The following CACNB4 variants were observed in gnomAD, a reference collection of about 807,000 sequenced individuals.
CACNB4 encodes calcium voltage-gated channel auxiliary subunit beta 4.
Under a neutral mutation model 71.2 loss-of-function variants are expected in CACNB4, and 32 were observed. The ratio of observed to expected loss-of-function variants is 0.45; its 90% CI spans 0.34 to 0.60. CACNB4 has a LOEUF of 0.60. Ranked by LOEUF, CACNB4 falls within the 20% of genes least tolerant of loss-of-function variation. The pLI, the probability that CACNB4 is intolerant of heterozygous loss-of-function variation, is 0.01. For missense variants in CACNB4, 464 were observed against 647.9 expected, an observed-to-expected ratio of 0.72 and a Z score of 3.08; for synonymous variants, 231 against 236.9, an observed-to-expected ratio of 0.97 and a Z score of 0.23.
intron 2 of CACNB4, among the ~76,000 whole-genome samples, chr2:152,071,517 C>T (rs905342213): frequency 2.0e-5 from 3 of 152,158 alleles, no homozygotes; most frequent in South Asian, 2.1e-4. Context: ...TGAAACCTCT[C>T]GGCATGTTCT....
chr2:151,835,820 G>T lies in CACNB4; in HGVS notation c.*3299C>A, dbSNP rs1005146241. The stretch of plus-strand genomic sequence containing the variant: ...TCCAAAAATACATTTTGCAAACAAC[G>T]ACAATAATAATTAAATAGCAGATTA... On this transcript the variant is annotated 3_prime_UTR_variant, in exon 14 of 14. Coordinates refer to ENST00000539935, the MANE Select transcript of CACNB4 (RefSeq NM_000726.5). 1 of 151,620 alleles carries T rather than the reference G, an allele frequency of 6.6e-6. No individual in the cohort carries two copies. The highest frequency in any genetic ancestry group is 2.4e-5 in the African/African-American group (1 of 41,352). 9.4% of individuals were successfully genotyped at this position (151,620 alleles called of 1,614,324 possible).
At position 152,079,772 on chromosome 2, in the gene CACNB4, C is replaced by G. The variant is rs377040603; in HGVS notation, c.147+18558G>C. On this transcript the variant is annotated intron_variant, in intron 2 of 13. Coordinates refer to ENST00000539935, the MANE Select transcript of CACNB4 (RefSeq NM_000726.5). ...CTGTGCTCCAGCCTGGGTAACAGAG[C>G]GATATCCTGTCTCAAAAAAATAAAA... Among the ~76,000 whole-genome samples, 7 of 152,006 alleles carry G rather than the reference C, an allele frequency of 4.6e-5. No homozygotes were observed. In the East Asian group the frequency reaches 1.4e-3, roughly 29 times the overall value.
chr2:151,873,353 T>C (rs1411434476), intron 5 of CACNB4: 1 of 152,222 alleles, frequency 6.6e-6, no homozygotes, highest in Non-Finnish European at 1.5e-5. Context: ...TAGTTGAACA[T>C]CCCTAATCCA....
In CACNB4 at chr2:151,838,928, G is replaced by A. The variant is rs778241995; in HGVS notation, c.*191C>T. ...TGCACTTAAAAATATCTATATGATC[G>A]GGCATCTAATATCCATCTAGACTCA... is the stretch of plus-strand genomic sequence containing the variant. On this transcript the variant is annotated 3_prime_UTR_variant, in exon 14 of 14. Coordinates refer to ENST00000539935, the MANE Select transcript of CACNB4 (RefSeq NM_000726.5). 6.3e-6 allele frequency: 3 copies of A among 474,046 alleles called. No individual in the cohort carries two copies. The highest frequency in any genetic ancestry group is 4.8e-5 in the South Asian group (1 of 21,022). 29.4% of individuals were successfully genotyped at this position (474,046 alleles called of 1,614,324 possible).
intron 2 of CACNB4, among the ~76,000 whole-genome samples, chr2:151,916,718 G>T (rs1008746416): frequency 1.3e-5 from 2 of 152,220 alleles, no homozygotes; most frequent in Non-Finnish European, 2.9e-5. Context: ...CTACTATTCT[G>T]GTGCAAAGCA....
chr2:151,971,923 C>T (rs780424351), intron 2 of CACNB4: 2 of 354,710 alleles, frequency 5.6e-6, no homozygotes, highest in Non-Finnish European at 1.1e-5. Flanking sequence ...TCTCAGCCTG[C>T]TGGCCACCAC....
intron 2 of CACNB4, among the ~76,000 whole-genome samples, chr2:152,004,321 G>GA (rs1298874421): frequency 1.3e-5 from 2 of 151,990 alleles, no homozygotes; most frequent in African/African-American, 4.8e-5. Context: ...TCCCTTCCAA[G>GA]ATCCTCCTCT....
At chr2:152,056,320 C>T (rs1427568608) in intron 2 of CACNB4, among the ~76,000 whole-genome samples, 1 of 150,216 alleles carries the variant, frequency 6.7e-6, no homozygotes, top group Admixed American at 6.6e-5. Context: ...AAGATCACGC[C>T]ACTGCACTCC....
intron 2 of CACNB4, among the ~76,000 whole-genome samples, chr2:152,017,947 C>T (rs1433858959): frequency 6.6e-6 from 1 of 151,812 alleles, no homozygotes; most frequent in African/African-American, 2.4e-5. Flanking sequence ...ATTCTCCTGC[C>T]TCAGCCTCCA....
rs750224298 is a variant in CACNB4 at position 151,908,981 on chromosome 2, G to A, written c.148-25611C>T. 1.4e-4 allele frequency among the ~76,000 whole-genome samples: 21 copies of A among 151,140 alleles called. 1 individual carries two copies. The highest frequency in any genetic ancestry group is 1.6e-4 in the Non-Finnish European group (11 of 67,884). On this transcript the variant is annotated intron_variant, in intron 2 of 13. Transcript: ENST00000539935. Reference sequence around the variant, plus strand: ...GATTTAATTTTTTTTTAAAGAAAGGGAACAGGTGTTATGCTTGAAAAATAT... The same window carrying A: ...GATTTAATTTTTTTTTAAAGAAAGGAAACAGGTGTTATGCTTGAAAAATAT...
At chr2:152,073,590 G>C (rs1686821232) in intron 2 of CACNB4, among the ~76,000 whole-genome samples, 1 of 152,270 alleles carries the variant, frequency 6.6e-6, no homozygotes, top group Admixed American at 6.5e-5. Flanking sequence ...TAAATAAACA[G>C]GTTAAGTAAT....
chr2:151,911,983 G>T (rs561448284), intron 2 of CACNB4, among the ~76,000 whole-genome samples: 1 of 152,114 alleles, frequency 6.6e-6, no homozygotes, highest in South Asian at 2.1e-4. Flanking sequence ...ATTCTCTGAT[G>T]GTAATTTGTA....
chr2:152,050,187 A>G (rs987394860), intron 2 of CACNB4, among the ~76,000 whole-genome samples: 1 of 152,218 alleles, frequency 6.6e-6, no homozygotes, highest in African/African-American at 2.4e-5. Flanking sequence ...CCTGTCACGT[A>G]AAGACGAGGA....
rs1213218906 is a variant in CACNB4, at chr2:151,938,777, G to A, written c.148-55407C>T. Among the ~76,000 whole-genome samples the A allele has an allele frequency of 3.9e-5, 6 of 152,144 alleles. No homozygotes were observed. In the East Asian group the frequency reaches 1.2e-3, roughly 29 times the overall value. On this transcript the variant is annotated intron_variant, in intron 2 of 13. Coordinates refer to ENST00000539935, the MANE Select transcript of CACNB4 (RefSeq NM_000726.5). ...ATAATCAGCAATTCTCTTGTTTTTGGAGCATGGGGGGAAGGGATGGTAACA... is the reference window on the plus strand; with the variant it reads ...ATAATCAGCAATTCTCTTGTTTTTGAAGCATGGGGGGAAGGGATGGTAACA...
At chr2:152,078,313 C>G (rs1405776671) in intron 2 of CACNB4, among the ~76,000 whole-genome samples, 1 of 152,192 alleles carries the variant, frequency 6.6e-6, no homozygotes, top group Non-Finnish European at 1.5e-5. Flanking sequence ...GCGGTCCACA[C>G]AGATCCCCTC....
At chr2:151,961,543 C>A (rs6433727) in intron 2 of CACNB4, among the ~76,000 whole-genome samples, 1 of 151,950 alleles carries the variant, frequency 6.6e-6, no homozygotes, top group Non-Finnish European at 1.5e-5. Flanking sequence ...CAAAGGAAGA[C>A]GACCAACAAC....
At chr2:151,857,301 T>C (rs533458231) in intron 10 of CACNB4, 6 of 152,224 alleles carry the variant, frequency 3.9e-5, no homozygotes, top group Non-Finnish European at 8.8e-5. Context: ...AAAGGATTAA[T>C]TTGAAGAGTC....
intron 2 of CACNB4, among the ~76,000 whole-genome samples, chr2:152,066,451 T>C (rs62175109): frequency 6.6e-6 from 1 of 151,788 alleles, no homozygotes; most frequent in Non-Finnish European, 1.5e-5. Context: ...GAGATACCAT[T>C]TCACACCAGT....
chr2:151,881,910 T>A (rs2099847966), intron 3 of CACNB4, among the ~76,000 whole-genome samples: 1 of 145,856 alleles, frequency 6.9e-6, no homozygotes, highest in African/African-American at 2.5e-5. Context: ...AGACGGAGTC[T>A]CACCCTGTTG....
Sources: allele counts gnomAD v4.1 joint callset (sites outside exome capture counted in the v4.1 genomes callset), GRCh38; gene constraint gnomAD v4.1.1; transcripts MANE v1.5; gene names NCBI Gene and HGNC (gene_info 2026-07-23, HGNC 2026-07-21).